The following EXOC4 variants were observed in gnomAD, a reference collection of about 807,000 sequenced individuals.
The protein encoded by EXOC4 is exocyst complex component 4.
EXOC4 carries 71 observed loss-of-function variants against 107.2 expected under a neutral mutation model. That is an observed-to-expected ratio of 0.66 (90% CI 0.55 to 0.81). The LOEUF is 0.81. Among genes scored for constraint, EXOC4 ranks in the 30% least tolerant of loss-of-function variants. The pLI, the probability that EXOC4 is intolerant of heterozygous loss-of-function variation, is 0.00. For synonymous variants in EXOC4, 456 were observed against 441.2 expected (o/e 1.03, Z -0.42); for missense variants, 1,108 against 1,189.6 (o/e 0.93, Z 1.01).
intron 4 of EXOC4, 55 bp downstream of exon 4, chr7:133,306,116 T>G: frequency 9.5e-6 from 13 of 1,374,984 alleles, no homozygotes; most frequent in East Asian, 2.5e-5. Flanking sequence ...TTGGAAGGAA[T>G]ATTTTTTGTT....
chr7:133,276,251 A>G (rs1793988520), intron 2 of EXOC4, among the ~76,000 whole-genome samples: 1 of 152,092 alleles, frequency 6.6e-6, no homozygotes, highest in African/African-American at 2.4e-5. Context: ...ATGGGTTTGT[A>G]AGGAGTATTT....
At chr7:133,398,240 G>A (rs961103598) in intron 7 of EXOC4, among the ~76,000 whole-genome samples, 2 of 152,132 alleles carry the variant, frequency 1.3e-5, no homozygotes, top group Admixed American at 6.5e-5. Flanking sequence ...CAGCCTCCCA[G>A]GTTAAGACTT....
chr7:133,304,498 A>G (rs932568710), intron 3 of EXOC4, among the ~76,000 whole-genome samples: 3 of 152,170 alleles, frequency 2.0e-5, no homozygotes, highest in Non-Finnish European at 4.4e-5. Context: ...TGGTTAACTT[A>G]AGGAAACTTA....
chr7:133,626,176 C>A (rs1335948900), intron 9 of EXOC4, among the ~76,000 whole-genome samples: 5 of 151,748 alleles, frequency 3.3e-5, no homozygotes, highest in Admixed American at 6.6e-5. Context: ...CAGTGTACAC[C>A]AGCCTAGGGA....
the EXOC4 span, among the ~76,000 whole-genome samples, chr7:134,091,046 C>T: frequency 1.3e-5 from 2 of 152,104 alleles, no homozygotes; most frequent in African/African-American, 4.8e-5. Flanking sequence ...TAGGGGGTCT[C>T]TTCAGTATCA....
intron 17 of EXOC4, among the ~76,000 whole-genome samples, chr7:134,014,109 A>G (rs1794837818): frequency 1.3e-5 from 2 of 152,242 alleles, no homozygotes; most frequent in African/African-American, 4.8e-5. Flanking sequence ...ATAATAGCCA[A>G]AAAGTATAAA....
intron 16 of EXOC4, among the ~76,000 whole-genome samples, chr7:134,007,285 G>C (rs1317234428): frequency 6.6e-6 from 1 of 152,118 alleles, no homozygotes; most frequent in Non-Finnish European, 1.5e-5. Flanking sequence ...GAGGCAAAAG[G>C]GTCATTGTAT....
At chr7:133,675,626 A>G (rs976954178) in intron 10 of EXOC4, among the ~76,000 whole-genome samples, 1 of 152,206 alleles carries the variant, frequency 6.6e-6, no homozygotes, top group Non-Finnish European at 1.5e-5. Context: ...CTATGTGGAC[A>G]AATCATTCTG....
intron 10 of EXOC4, among the ~76,000 whole-genome samples, chr7:133,644,344 C>G (rs1018735551): frequency 6.6e-6 from 1 of 152,130 alleles, no homozygotes; most frequent in Non-Finnish European, 1.5e-5. Flanking sequence ...CATCACTTGA[C>G]CCCTGCCATC....
In EXOC4 at chr7:133,339,447, C is replaced by T. The variant is rs554264537; in HGVS notation, c.764-16883C>T. On this transcript the variant is annotated intron_variant, in intron 5 of 17. Coordinates refer to ENST00000253861, the MANE Select transcript of EXOC4 (RefSeq NM_021807.4). The stretch of plus-strand genomic sequence containing the variant: ...AGTTTGAAATCAGGTAATGTAATGC[C>T]TCCAGATTTGTTCTTTTTGTATAGT... Among the ~76,000 whole-genome samples the T allele has an allele frequency of 1.8e-4, 27 of 152,212 alleles. No homozygotes were observed. The South Asian group carries it at 4.1e-3, about 23-fold the overall frequency.
At chr7:133,640,077 T>C (rs531548716) in intron 10 of EXOC4, among the ~76,000 whole-genome samples, 6 of 152,248 alleles carry the variant, frequency 3.9e-5, no homozygotes, top group Non-Finnish European at 8.8e-5. Flanking sequence ...TTTTAAATAT[T>C]TGTATATTTA....
chr7:133,596,163 A>T (rs1277040292), intron 9 of EXOC4, among the ~76,000 whole-genome samples: 4 of 152,094 alleles, frequency 2.6e-5, no homozygotes. Flanking sequence ...TCAATCCTTG[A>T]CCTAATCTAG....
chr7:133,355,080 T>C (rs971445111), intron 5 of EXOC4, among the ~76,000 whole-genome samples: 2 of 152,290 alleles, frequency 1.3e-5, no homozygotes, highest in Admixed American at 6.5e-5. Flanking sequence ...TTATGGACTT[T>C]GTGTAGCAGT....
At chr7:133,552,473 A>C (rs1476919857) in intron 9 of EXOC4, among the ~76,000 whole-genome samples, 1 of 152,192 alleles carries the variant, frequency 6.6e-6, no homozygotes, top group Non-Finnish European at 1.5e-5. Context: ...AATATCCAAC[A>C]TGTGAGAGAA....
the EXOC4 span, among the ~76,000 whole-genome samples, chr7:134,094,538 G>A: frequency 2.6e-5 from 4 of 152,082 alleles, no homozygotes; most frequent in Non-Finnish European, 5.9e-5. Context: ...AATCGAAGAG[G>A]AGAGACTCCT....
intron 14 of EXOC4, among the ~76,000 whole-genome samples, chr7:133,959,955 C>A (rs571873809): frequency 6.6e-6 from 1 of 152,228 alleles, no homozygotes; most frequent in African/African-American, 2.4e-5. Flanking sequence ...TCCATAGAAT[C>A]TACCAAACCG....
chr7:133,404,750 G>C (rs898390257), intron 7 of EXOC4, among the ~76,000 whole-genome samples: 1 of 152,004 alleles, frequency 6.6e-6, no homozygotes, highest in Non-Finnish European at 1.5e-5. Flanking sequence ...AAAAGGCTGC[G>C]TGCAGTGGCT....
intron 10 of EXOC4, among the ~76,000 whole-genome samples, chr7:133,701,232 C>T (rs961397904): frequency 2.6e-5 from 4 of 151,954 alleles, no homozygotes; most frequent in African/African-American, 9.7e-5. Context: ...CTCTTACATG[C>T]CCCCAAAAGA....
intron 10 of EXOC4, among the ~76,000 whole-genome samples, chr7:133,746,434 G>C (rs1037469062): frequency 1.3e-5 from 2 of 151,996 alleles, no homozygotes; most frequent in Non-Finnish European, 2.9e-5. Context: ...GATTCCTTTA[G>C]TGGTTTACTC....
Sources: gnomAD v4.1 joint callset for allele counts (sites outside exome capture counted in the v4.1 genomes callset) on GRCh38, gnomAD v4.1.1 for gene constraint, MANE v1.5 for transcripts, NCBI Gene and HGNC (gene_info 2026-07-23, HGNC 2026-07-21) for gene names.